CCSER1: variants seen among roughly 807,000 people sequenced by gnomAD.
CCSER1 encodes the protein coiled-coil serine rich protein 1.
Under a neutral mutation model 82.0 loss-of-function variants are expected in CCSER1, and 41 were observed. The ratio of observed to expected loss-of-function variants is 0.50; its 90% CI spans 0.39 to 0.65. CCSER1 has a LOEUF of 0.65. CCSER1 is among the 30% of genes least tolerant of loss of function. The pLI is 0.00. For synonymous variants in CCSER1, 414 were observed against 383.9 expected, an observed-to-expected ratio of 1.08 and a Z score of -0.92; for missense variants, 1,119 against 1,064.2, an observed-to-expected ratio of 1.05 and a Z score of -0.72.
At chr4:90,675,061 A>G (rs1369289302) in intron 6 of CCSER1, among the ~76,000 whole-genome samples, 1 of 152,048 alleles carries the variant, frequency 6.6e-6, no homozygotes, top group Non-Finnish European at 1.5e-5. Flanking sequence ...GCCATTTACT[A>G]TCATCATTGT....
chr4:91,434,472 CG>C (rs1754526496), intron 10 of CCSER1, among the ~76,000 whole-genome samples: 1 of 151,604 alleles, frequency 6.6e-6, no homozygotes, highest in Admixed American at 6.6e-5. Context: ...AAAAGCAATA[CG>C]GGTAAAAAAT....
intron 6 of CCSER1, among the ~76,000 whole-genome samples, chr4:90,716,484 TG>T (rs1741659675): frequency 6.6e-6 from 1 of 152,144 alleles, no homozygotes; most frequent in Non-Finnish European, 1.5e-5. Context: ...TGTCTACTTT[TG>T]TTAGCCAATT....
intron 6 of CCSER1, among the ~76,000 whole-genome samples, chr4:90,708,899 T>A (rs1237487108): frequency 6.6e-6 from 1 of 152,110 alleles, no homozygotes; most frequent in African/African-American, 2.4e-5. Context: ...ACTCCTCAAG[T>A]GGTAGTAAAA....
chr4:90,786,579 G>T (rs1754548628), intron 7 of CCSER1, among the ~76,000 whole-genome samples: 2 of 151,964 alleles, frequency 1.3e-5, no homozygotes, highest in South Asian at 4.2e-4. Context: ...CATATTTTCA[G>T]GTTTTTCATT....
chr4:90,933,000 GAA>G (rs757940516), intron 9 of CCSER1, among the ~76,000 whole-genome samples: 12 of 63,272 alleles, frequency 1.9e-4, no homozygotes, highest in African/African-American at 7.3e-4. Context: ...AAGAAAGAAA[GAA>G]AGAAAGAAAG....
intron 9 of CCSER1, among the ~76,000 whole-genome samples, chr4:91,071,853 A>G (rs1455776150): frequency 6.6e-6 from 1 of 152,160 alleles, no homozygotes; most frequent in Non-Finnish European, 1.5e-5. Context: ...ATTGCATGCT[A>G]AATCAACATG....
chr4:90,712,660 T>C (rs1740853943), intron 6 of CCSER1, among the ~76,000 whole-genome samples: 1 of 151,928 alleles, frequency 6.6e-6, no homozygotes, highest in Non-Finnish European at 1.5e-5. Context: ...GTCCACTTAA[T>C]CCAGAGCTGA....
intron 10 of CCSER1, among the ~76,000 whole-genome samples, chr4:91,541,265 C>T: frequency 6.6e-6 from 1 of 152,234 alleles, no homozygotes; most frequent in South Asian, 2.1e-4. Context: ...TTCTAGGGTA[C>T]ATGTGCACAA....
intron 10 of CCSER1, among the ~76,000 whole-genome samples, chr4:91,116,683 T>C (rs1452086480): frequency 6.6e-6 from 1 of 152,202 alleles, no homozygotes; most frequent in East Asian, 1.9e-4. Context: ...CTGTTTTTGT[T>C]GTTAAAGAAA....
intron 4 of CCSER1, among the ~76,000 whole-genome samples, chr4:90,455,354 C>G (rs943333694): frequency 6.4e-4 from 97 of 152,218 alleles, no homozygotes; most frequent in African/African-American, 2.2e-3. Flanking sequence ...AAGATACACT[C>G]TAGAGGAGTA....
chr4:91,333,546 C>T (rs1227841170), intron 10 of CCSER1, among the ~76,000 whole-genome samples: 1 of 151,962 alleles, frequency 6.6e-6, no homozygotes, highest in Non-Finnish European at 1.5e-5. Flanking sequence ...GATTTATCTG[C>T]ATATTGGGTT....
At chr4:90,699,427 G>A (rs898082307) in intron 6 of CCSER1, among the ~76,000 whole-genome samples, 2 of 152,128 alleles carry the variant, frequency 1.3e-5, no homozygotes, top group Admixed American at 6.5e-5. Flanking sequence ...ATCAAGCAAT[G>A]TTAATGGGCA....
At chr4:91,249,125 A>C (rs559726325) in intron 10 of CCSER1, among the ~76,000 whole-genome samples, 7 of 152,146 alleles carry the variant, frequency 4.6e-5, no homozygotes, top group Non-Finnish European at 1.0e-4. Context: ...TTTTCTGTGA[A>C]TCAGAAACTA....
At chr4:90,707,850 C>T (rs1013040678) in intron 6 of CCSER1, among the ~76,000 whole-genome samples, 7 of 152,130 alleles carry the variant, frequency 4.6e-5, no homozygotes, top group Admixed American at 1.3e-4. Flanking sequence ...GAGTAGGCCT[C>T]ACTCTCAGAA....
chr4:91,064,399 TC>T lies in CCSER1; in HGVS notation c.2173-21549del, dbSNP rs1398751874. 2.0e-5 allele frequency among the ~76,000 whole-genome samples: 3 copies of T among 152,316 alleles called. No individual in the cohort carries two copies. In the East Asian group the frequency reaches 5.8e-4, roughly 29 times the overall value. ...CAAGCTCAGCAAGAGAAAAGACACA[TC>T]CAGCAAAGTCTGGAGGAATTCATGC... is the stretch of plus-strand genomic sequence containing the variant. On this transcript the variant is annotated intron_variant, in intron 9 of 10. Coordinates refer to ENST00000509176, the MANE Select transcript of CCSER1 (RefSeq NM_001145065.2).
chr4:90,656,641 T>G (rs1412127909), intron 6 of CCSER1, among the ~76,000 whole-genome samples: 1 of 151,982 alleles, frequency 6.6e-6, no homozygotes, highest in Non-Finnish European at 1.5e-5. Flanking sequence ...GGATCATATT[T>G]GTATTTAATG....
intron 3 of CCSER1, among the ~76,000 whole-genome samples, chr4:90,360,077 C>G (rs1226413556): frequency 6.7e-6 from 1 of 148,972 alleles, no homozygotes; most frequent in Non-Finnish European, 1.5e-5. Flanking sequence ...GCCATCACGC[C>G]TGGCTAATTT....
intron 10 of CCSER1, among the ~76,000 whole-genome samples, chr4:91,198,996 A>G (rs2149063432): frequency 6.6e-6 from 1 of 152,242 alleles, no homozygotes; most frequent in East Asian, 1.9e-4. Context: ...GAAGAGCAAG[A>G]CGGCTGCAGC....
At chr4:90,450,926 T>C (rs1761362658) in intron 4 of CCSER1, among the ~76,000 whole-genome samples, 1 of 152,188 alleles carries the variant, frequency 6.6e-6, no homozygotes, top group Non-Finnish European at 1.5e-5. Flanking sequence ...GTGAGAAAAG[T>C]CTACACCATT....
Sources: gnomAD v4.1 joint callset for allele counts (sites outside exome capture counted in the v4.1 genomes callset) on GRCh38, gnomAD v4.1.1 for gene constraint, MANE v1.5 for transcripts, NCBI Gene and HGNC (gene_info 2026-07-23, HGNC 2026-07-21) for gene names.